The following KCNIP4 variants were observed in gnomAD, a reference collection of about 807,000 sequenced individuals.
KCNIP4 encodes the protein potassium voltage-gated channel interacting protein 4, also known as Kv channel-interacting protein 4.
A neutral mutation model predicts 34.0 loss-of-function variants in KCNIP4; 12 were observed. The observed-to-expected ratio is 0.35, with a 90% CI of 0.23 to 0.57. KCNIP4 has a LOEUF of 0.57. Among genes scored for constraint, KCNIP4 ranks in the 20% least tolerant of loss-of-function variants. The pLI is 0.83. For synonymous variants in KCNIP4, 124 were observed against 102.2 expected (o/e 1.21, Z -1.29); for missense variants, 238 against 311.7 (o/e 0.76, Z 1.78).
At chr4:21,008,632 T>C (rs1015865195) in intron 1 of KCNIP4, among the ~76,000 whole-genome samples, 6 of 151,934 alleles carry the variant, frequency 3.9e-5, no homozygotes, top group Non-Finnish European at 8.8e-5. Flanking sequence ...CACGCCATTC[T>C]CCTGCCTCAG....
intron 1 of KCNIP4, among the ~76,000 whole-genome samples, chr4:21,400,160 G>A (rs1723350187): frequency 6.6e-6 from 1 of 152,158 alleles, no homozygotes; most frequent in South Asian, 2.1e-4. Flanking sequence ...TATGAGTTCA[G>A]TTTAATTCAT....
intron 1 of KCNIP4, among the ~76,000 whole-genome samples, chr4:20,925,148 C>G (rs1325250163): frequency 2.6e-5 from 4 of 152,094 alleles, no homozygotes; most frequent in African/African-American, 9.7e-5. Context: ...CAAAGGTTAC[C>G]TGTGTTGGGA....
intron 1 of KCNIP4, among the ~76,000 whole-genome samples, chr4:21,483,649 G>A (rs1449510132): frequency 1.3e-5 from 2 of 152,054 alleles, no homozygotes; most frequent in Non-Finnish European, 2.9e-5. Flanking sequence ...AATTAGCCAG[G>A]TGTGGTGGCA....
intron 1 of KCNIP4, chr4:21,304,067 GACAGAGAGAGAGAGAGAGAC>G (rs1466241987): frequency 9.3e-5 from 34 of 363,788 alleles, no homozygotes; most frequent in African/African-American, 2.9e-4. Flanking sequence ...GAGAGAGAGA[GACAGAGAGAGAGAGAGAGAC>G]AGAGAGAGAG....
At chr4:20,819,606 A>T (rs1176524531) in intron 3 of KCNIP4, among the ~76,000 whole-genome samples, 1 of 152,238 alleles carries the variant, frequency 6.6e-6, no homozygotes, top group Non-Finnish European at 1.5e-5. Flanking sequence ...TGAATGGATG[A>T]GGTCCCTCCA....
At chr4:21,077,211 C>T (rs886664257) in intron 1 of KCNIP4, among the ~76,000 whole-genome samples, 1 of 152,036 alleles carries the variant, frequency 6.6e-6, no homozygotes, top group African/African-American at 2.4e-5. Flanking sequence ...TTTGTGTTGT[C>T]ATCAACCATT....
intron 1 of KCNIP4, among the ~76,000 whole-genome samples, chr4:21,325,803 T>A (rs1291043807): frequency 6.6e-6 from 1 of 151,964 alleles, no homozygotes; most frequent in Non-Finnish European, 1.5e-5. Flanking sequence ...GTTTTCACTA[T>A]CATTTGTTTC....
At chr4:21,367,866 T>C (rs994438689) in intron 1 of KCNIP4, among the ~76,000 whole-genome samples, 3 of 147,814 alleles carry the variant, frequency 2.0e-5, no homozygotes, top group African/African-American at 8.0e-5. Context: ...CATCTTTCCA[T>C]GTCTGCTGTA....
At chr4:21,768,628 T>G (rs59093225) in intron 1 of KCNIP4, among the ~76,000 whole-genome samples, 22,548 of 152,108 alleles carry the variant, frequency 0.15, 5,621 homozygotes, top group African/African-American at 0.51. Context: ...ACACATCCAC[T>G]CTTAGTTGGT....
chr4:21,740,011 AG>A (rs1716288545), intron 1 of KCNIP4, among the ~76,000 whole-genome samples: 2 of 152,218 alleles, frequency 1.3e-5, no homozygotes, highest in Admixed American at 1.3e-4. Flanking sequence ...TTAGTCCAAA[AG>A]GGTTTCAAAA....
chr4:20,749,517 A>G, intron 5 of KCNIP4, 145 bp downstream of exon 5: 1 of 524,884 alleles, frequency 1.9e-6, no homozygotes, highest in South Asian at 3.1e-5. Context: ...TTGAAAGATA[A>G]TTTTTGGCAA....
At position 20,832,058 on chromosome 4, in the gene KCNIP4, C is replaced by CT. The variant is rs71655605; in HGVS notation, c.288+18484dup. Reference sequence around the variant, plus strand: ...TTTACTTATTTCAAATAGTTTGTTACTTTTTTTTTCATGAAGAGCTCCATA... The same window carrying CT: ...TTTACTTATTTCAAATAGTTTGTTACTTTTTTTTTTCATGAAGAGCTCCATA... On this transcript the variant is annotated intron_variant, in intron 3 of 8. Transcript: ENST00000382152. 1.7e-3 allele frequency among the ~76,000 whole-genome samples: 256 copies of CT among 151,480 alleles called. 2 individuals carry two copies. Among genetic ancestry groups the CT allele is most frequent in the Middle Eastern group, 3.4e-3 (1 of 294 alleles).
intron 1 of KCNIP4, among the ~76,000 whole-genome samples, chr4:21,647,713 G>A (rs886561591): frequency 1.3e-5 from 2 of 151,972 alleles, no homozygotes; most frequent in African/African-American, 4.8e-5. Flanking sequence ...CCATACACAA[G>A]ACATGAACTT....
intron 3 of KCNIP4, among the ~76,000 whole-genome samples, chr4:20,824,608 A>C (rs1717501212): frequency 6.6e-6 from 1 of 152,154 alleles, no homozygotes; most frequent in Non-Finnish European, 1.5e-5. Flanking sequence ...TGAACCCTGG[A>C]GGCAGAGGTT....
At chr4:21,417,389 A>G (rs1725047062) in intron 1 of KCNIP4, among the ~76,000 whole-genome samples, 1 of 152,118 alleles carries the variant, frequency 6.6e-6, no homozygotes, top group African/African-American at 2.4e-5. Flanking sequence ...AGATTAAAAA[A>G]AATAAAATAA....
At chr4:21,277,838 A>T (rs1200952169) in intron 1 of KCNIP4, among the ~76,000 whole-genome samples, 5 of 152,226 alleles carry the variant, frequency 3.3e-5, no homozygotes, top group Non-Finnish European at 7.3e-5. Context: ...GAAAGAAAAG[A>T]AATCCATACT....
At chr4:20,767,569 C>T (rs1246488966) in intron 3 of KCNIP4, among the ~76,000 whole-genome samples, 1 of 152,146 alleles carries the variant, frequency 6.6e-6, no homozygotes, top group Non-Finnish European at 1.5e-5. Context: ...TTCAGCATTT[C>T]CTGGAAGGTT....
chr4:21,242,267 A>T (rs1214944286), intron 1 of KCNIP4, among the ~76,000 whole-genome samples: 1 of 151,902 alleles, frequency 6.6e-6, no homozygotes, highest in African/African-American at 2.4e-5. Flanking sequence ...AGCATATACT[A>T]TACATCGATA....
At chr4:21,307,782 T>C (rs1471221134) in intron 1 of KCNIP4, among the ~76,000 whole-genome samples, 2 of 152,218 alleles carry the variant, frequency 1.3e-5, no homozygotes, top group Non-Finnish European at 2.9e-5. Context: ...GTCCTATTCC[T>C]ACTGCTTCTT....
Sources: gnomAD v4.1 joint callset for allele counts (sites outside exome capture counted in the v4.1 genomes callset) on GRCh38, gnomAD v4.1.1 for gene constraint, MANE v1.5 for transcripts, NCBI Gene and HGNC (gene_info 2026-07-23, HGNC 2026-07-21) for gene names.